PRDM16: variants seen among roughly 807,000 people sequenced by gnomAD.
The protein encoded by PRDM16 is PR/SET domain 16.
A neutral mutation model predicts 110.6 loss-of-function variants in PRDM16; 23 were observed. The ratio of observed to expected loss-of-function variants is 0.21; its 90% CI spans 0.15 to 0.29. PRDM16 has a LOEUF of 0.29. Ranked by LOEUF, PRDM16 falls within the 10% of genes least tolerant of loss-of-function variation. The pLI is 1.00. For missense variants in PRDM16, 1,615 were observed against 1,794.3 expected, an observed-to-expected ratio of 0.90 and a Z score of 1.81; for synonymous variants, 799 against 781.8, an observed-to-expected ratio of 1.02 and a Z score of -0.37.
chr1:3,381,967 G>A (rs908364520), intron 3 of PRDM16, among the ~76,000 whole-genome samples: 1 of 152,202 alleles, frequency 6.6e-6, no homozygotes, highest in Non-Finnish European at 1.5e-5. Flanking sequence ...CCGGCCAGTG[G>A]TGAGGGAGGG....
At chr1:3,107,268 G>T (rs1642679833) in intron 1 of PRDM16, among the ~76,000 whole-genome samples, 1 of 152,232 alleles carries the variant, frequency 6.6e-6, no homozygotes, top group African/African-American at 2.4e-5. Context: ...CAGTCTGGTG[G>T]ATTCCAGAAG....
rs891158673 is a variant in PRDM16 at position 3,180,940 on chromosome 1, G to A, written c.38-5185G>A. On this transcript the variant is annotated intron_variant, in intron 1 of 16. Coordinates refer to ENST00000270722, the MANE Select transcript of PRDM16 (RefSeq NM_022114.4). The stretch of plus-strand genomic sequence containing the variant: ...CAGCCTTACACACGCAGCCACACAC[G>A]CAGCCTTACACACGCAGTCTTACAC... Among the ~76,000 whole-genome samples, 51 of 142,706 alleles carry A rather than the reference G, an allele frequency of 3.6e-4. 1 individual carries two copies. The highest frequency in any genetic ancestry group is 1.2e-3 in the African/African-American group (45 of 37,386). The allele number at this position is 142,706 out of a possible 152,430, so 93.6% of individuals were successfully genotyped here.
At chr1:3,348,207 GCA>G (rs1465437029) in intron 3 of PRDM16, among the ~76,000 whole-genome samples, 1 of 152,186 alleles carries the variant, frequency 6.6e-6, no homozygotes, top group Admixed American at 6.5e-5. Context: ...GAACAGTTCT[GCA>G]GGGTTTTGGC....
At chr1:3,093,849 G>T (rs1025809772) in intron 1 of PRDM16, among the ~76,000 whole-genome samples, 2 of 152,232 alleles carry the variant, frequency 1.3e-5, no homozygotes, top group African/African-American at 4.8e-5. Flanking sequence ...GGGAACGTGC[G>T]GGGGTCTGTG....
intron 1 of PRDM16, among the ~76,000 whole-genome samples, chr1:3,156,945 C>A (rs141709050): frequency 6.6e-6 from 1 of 152,188 alleles, no homozygotes; most frequent in Non-Finnish European, 1.5e-5. Flanking sequence ...GGTCTCCCAG[C>A]GTGTCAGGAC....
At chr1:3,173,961 G>T (rs945934301) in intron 1 of PRDM16, among the ~76,000 whole-genome samples, 1 of 152,194 alleles carries the variant, frequency 6.6e-6, no homozygotes, top group Admixed American at 6.5e-5. Flanking sequence ...GCTATGGCCC[G>T]TGCTATGGTC....
intron 3 of PRDM16, among the ~76,000 whole-genome samples, chr1:3,252,258 G>T (rs1034410684): frequency 1.3e-5 from 2 of 152,252 alleles, no homozygotes; most frequent in African/African-American, 4.8e-5. Flanking sequence ...CCGAGGGCCA[G>T]CTCTGAGGTC....
At chr1:3,223,858 G>T (rs925138401) in intron 2 of PRDM16, among the ~76,000 whole-genome samples, 1 of 152,182 alleles carries the variant, frequency 6.6e-6, no homozygotes. Context: ...CACCCACCTT[G>T]TCCACTGCCT....
At chr1:3,324,134 C>CA (rs1033706443) in intron 3 of PRDM16, among the ~76,000 whole-genome samples, 9 of 152,008 alleles carry the variant, frequency 5.9e-5, no homozygotes, top group African/African-American at 2.2e-4. Flanking sequence ...TTGATGCCGC[C>CA]AAGAGGGAGC....
chr1:3,418,307 C>T (rs1168242678), intron 11 of PRDM16, among the ~76,000 whole-genome samples: 1 of 152,174 alleles, frequency 6.6e-6, no homozygotes, highest in African/African-American at 2.4e-5. Flanking sequence ...GGATGGGAAG[C>T]CCAGTGCTAC....
chr1:3,322,050 CGTG>C (rs1557606921), intron 3 of PRDM16, among the ~76,000 whole-genome samples: 1 of 146,550 alleles, frequency 6.8e-6, no homozygotes, highest in East Asian at 2.1e-4. Context: ...GTTTGGAGGT[CGTG>C]TGTGTGTGGG....
Position 3,353,897 on chromosome 1 carries a change from A to C in PRDM16, c.439-31255A>C, listed in dbSNP as rs1642542204. On this transcript the variant is annotated intron_variant, in intron 3 of 16. Coordinates refer to ENST00000270722, the MANE Select transcript of PRDM16 (RefSeq NM_022114.4). The surrounding 1 kb of genome is among the most constrained non-coding windows in gnomAD (Gnocchi z 5.4). ...GACCTAGGGGGTCTTTCTAGAAGCC[A>C]AGGGGGCCCTTGGCACACACATGTG... Among the ~76,000 whole-genome samples, 1 of 152,100 alleles carries C rather than the reference A, an allele frequency of 6.6e-6. No homozygotes were observed. The highest frequency in any genetic ancestry group is 2.4e-5 in the African/African-American group (1 of 41,440).
rs141615033 is a variant in PRDM16 at position 3,415,535 on chromosome 1, G to A, written c.2691+888G>A. ...TTGTTTCCCCGGGGCCGTGGAGTTT[G>A]GTTAATAACTTCCCCTGATTTTCCT... On this transcript the variant is annotated intron_variant, in intron 10 of 16. Transcript: ENST00000270722. Among the ~76,000 whole-genome samples the A allele has an allele frequency of 3.3e-5, 5 of 152,392 alleles. No homozygotes were observed. The East Asian group carries it at 9.6e-4, about 29-fold the overall frequency.
intron 1 of PRDM16, among the ~76,000 whole-genome samples, chr1:3,170,174 G>A (rs867555993): frequency 2.0e-5 from 3 of 152,368 alleles, no homozygotes; most frequent in Middle Eastern, 6.8e-3. Flanking sequence ...AACTATGAAC[G>A]TCTTCATCAG....
At chr1:3,356,787 G>A (rs115049014) in intron 3 of PRDM16, among the ~76,000 whole-genome samples, 3,024 of 152,330 alleles carry the variant, frequency 0.02, 50 homozygotes, top group Non-Finnish European at 0.029. Context: ...AGGCTCAGAG[G>A]TGAGAGTCCT....
chr1:3,246,145 C>T lies in PRDM16; in HGVS notation c.438+2008C>T, dbSNP rs370120587. Among the ~76,000 whole-genome samples the T allele has an allele frequency of 1.2e-4, 18 of 152,284 alleles. 1 individual carries two copies. Among genetic ancestry groups the T allele is most frequent in the East Asian group, 5.8e-4 (3 of 5,176 alleles). ...GACAGAAGGAGGGTGAAGTGGGCGC[C>T]GCCTTCTGTGCCTCTGGGCCACGGT... On this transcript the variant is annotated intron_variant, in intron 3 of 16. Coordinates refer to ENST00000270722, the MANE Select transcript of PRDM16 (RefSeq NM_022114.4). This position sits in a 1 kb window ranked among gnomAD's most constrained non-coding sequence, Gnocchi z 5.2.
chr1:3,195,498 G>A (rs1036722488), intron 2 of PRDM16, among the ~76,000 whole-genome samples: 1 of 152,142 alleles, frequency 6.6e-6, no homozygotes, highest in East Asian at 1.9e-4. Context: ...AAGCGAAAAA[G>A]GAAATAAATA....
intron 2 of PRDM16, among the ~76,000 whole-genome samples, chr1:3,225,567 TGTGTGTGC>T (rs1299369435): frequency 1.9e-4 from 24 of 124,166 alleles, no homozygotes; most frequent in Non-Finnish European, 3.9e-4. Flanking sequence ...TGTGTGTGTG[TGTGTGTGC>T]GCGCGCGCAG....
At chr1:3,220,455 G>T (rs569973251) in intron 2 of PRDM16, among the ~76,000 whole-genome samples, 122 of 152,354 alleles carry the variant, frequency 8.0e-4, no homozygotes, top group African/African-American at 2.9e-3. Flanking sequence ...ACCAGCACAG[G>T]TTGGGGCAAC....
Sources: gnomAD v4.1 joint callset for allele counts (sites outside exome capture counted in the v4.1 genomes callset) on GRCh38, gnomAD v4.1.1 for gene constraint, Gnocchi (gnomAD v3.1) non-coding constraint, MANE v1.5 for transcripts, NCBI Gene and HGNC (gene_info 2026-07-23, HGNC 2026-07-21) for gene names.